Variants in MUC4 observed in about 807,000 individuals in gnomAD.
The protein encoded by MUC4 is mucin-4.
Under a neutral mutation model 257.9 loss-of-function variants are expected in MUC4, and 202 were observed. The ratio of observed to expected loss-of-function variants is 0.78; its 90% CI spans 0.70 to 0.88. MUC4 has a LOEUF of 0.88. Among genes scored for constraint, MUC4 ranks in the 40% least tolerant of loss-of-function variants. MUC4 has a pLI of 0.00. For missense variants in MUC4, 5,976 were observed against 6,513.7 expected (o/e 0.92, Z 2.84); for synonymous variants, 2,351 against 2,757.1 (o/e 0.85, Z 4.62).
In MUC4 at chr3:195,811,900, C is replaced by G; in HGVS notation, c.-83G>C. 2.2e-6 allele frequency: 3 copies of G among 1,394,190 alleles called. No individual in the cohort carries two copies. The Admixed American group carries it at 5.6e-5, about 26-fold the overall frequency. The allele number at this position is 1,394,190 out of a possible 1,614,324, so 86.4% of individuals were successfully genotyped here. ...GTGTGAGGAGCAGACGTGAGCCCGT[C>G]CCCTCAGGCGGCTGGCCCGAACCAA... On this transcript the variant is annotated 5_prime_UTR_variant, in exon 1 of 25. Coordinates refer to ENST00000463781, the MANE Select transcript of MUC4 (RefSeq NM_018406.7).
chr3:195,780,001 G>T lies in MUC4; in HGVS notation c.11579C>A (p.Thr3860Asn), dbSNP rs1249373161. The T allele has an allele frequency of 2.9e-6, 4 of 1,366,946 alleles. No individual in the cohort carries two copies. The allele number at this position is 1,366,946 out of a possible 1,614,324, so 84.7% of individuals were successfully genotyped here. The change falls in exon 2 of 25, where the codon ACT (threonine) becomes AAT (asparagine). Residue 3860 changes from threonine (T) to asparagine (N), a missense_variant. Thr to Asn is a moderately conservative substitution (Grantham distance 65). Transcript: ENST00000463781. ...STGDTMPLPVTSPSSASTGHA... is the reference protein window; with the variant it reads ...STGDTMPLPVNSPSSASTGHA... ...ACCTGTGGATGCTGAGGAAGGGCTAGTGACAGGAAGAGGCATGGTGTCACC... is the reference window on the plus strand; with the variant it reads ...ACCTGTGGATGCTGAGGAAGGGCTATTGACAGGAAGAGGCATGGTGTCACC...
intron 18 of MUC4, among the ~76,000 whole-genome samples, chr3:195,754,711 CATGA>C (rs1346667806): frequency 2.7e-5 from 4 of 150,732 alleles, no homozygotes; most frequent in Non-Finnish European, 5.9e-5. Flanking sequence ...ATGATTGAAG[CATGA>C]ATGAATGAAT....
At chr3:195,778,747 G>C (rs968388453) in intron 2 of MUC4, 43 bp downstream of exon 2, 10 of 1,553,982 alleles carry the variant, frequency 6.4e-6, no homozygotes, top group East Asian at 4.6e-5. Context: ...ATTCCGCCAA[G>C]GGGCCCACTG....
intron 13 of MUC4, among the ~76,000 whole-genome samples, chr3:195,762,635 C>CGCGCCCGGCCCT (rs1719376934): frequency 7.1e-6 from 1 of 140,602 alleles, no homozygotes; most frequent in Non-Finnish European, 1.5e-5. Context: ...TGCACCGCCA[C>CGCGCCCGGCCCT]GCACCGGGCC....
chr3:195,765,517 G>C, intron 8 of MUC4, 68 bp from the exon 9 acceptor site: 1 of 1,493,550 alleles, frequency 6.7e-7, no homozygotes, highest in South Asian at 1.3e-5. Flanking sequence ...CTCAGCTTTA[G>C]GGTCAACCAA....
Position 195,746,857 on chromosome 3 carries a change from A to C in MUC4, c.*319T>G, listed in dbSNP as rs1450253810. On this transcript the variant is annotated 3_prime_UTR_variant, in exon 25 of 25. Coordinates refer to ENST00000463781, the MANE Select transcript of MUC4 (RefSeq NM_018406.7). ...TTTGTGTGCAGAAGCATTTTGCTTA[A>C]CTTAGGGCCATCACCACATTATGAA... is the stretch of plus-strand genomic sequence containing the variant. 2.3e-6 allele frequency: 1 copy of C among 439,178 alleles called. No homozygotes were observed. Among genetic ancestry groups the C allele is most frequent in the Non-Finnish European group, 4.0e-6 (1 of 247,768 alleles). The allele number at this position is 439,178 out of a possible 1,614,324, so 27.2% of individuals were successfully genotyped here.
Position 195,810,575 on chromosome 3 carries a change from C to T in MUC4, c.82+1161G>A, listed in dbSNP as rs1244664997. 6.6e-6 allele frequency among the ~76,000 whole-genome samples: 1 copy of T among 152,170 alleles called. No homozygotes were observed. Among genetic ancestry groups the T allele is most frequent in the Non-Finnish European group, 1.5e-5 (1 of 67,998 alleles). ...CAAGGCCAATGCCGGGGCTACGAGC[C>T]CCAGGCAAGGCCGTGACCCAAATGG... On this transcript the variant is annotated intron_variant, in intron 1 of 24. Transcript: ENST00000463781. The surrounding 1 kb of genome is among the most constrained non-coding windows in gnomAD (Gnocchi z 4.2).
chr3:195,767,603 T>G (rs868034173), intron 7 of MUC4, among the ~76,000 whole-genome samples: 1 of 42,454 alleles, frequency 2.4e-5, no homozygotes, highest in Non-Finnish European at 4.6e-5. Context: ...ACCACCATCA[T>G]CACCATTGCC....
Position 195,781,058 on chromosome 3 carries a change from T to G in MUC4, c.10522A>C (p.Thr3508Pro), listed in dbSNP as rs1560315859. The stretch of plus-strand genomic sequence containing the variant: ...CCGGTGGATGCTGAGGAAGCGCCGG[T>G]GACAGGAAGAGTGCTGGTGTCACCT... ...STGDTSTLPV[T>P]GASSASTGHA... Residue 3508 changes from threonine (T) to proline (P), a missense_variant, in exon 2 of 25, where the codon ACC (threonine) becomes CCC (proline). Thr to Pro is a conservative substitution (Grantham distance 38, BLOSUM62 -1). This residue lies in a region of MUC4 where 297 missense variants were observed against 240.9 expected (regional missense o/e 1.23). Coordinates refer to ENST00000463781, the MANE Select transcript of MUC4 (RefSeq NM_018406.7). The G allele has an allele frequency of 1.3e-6, 2 of 1,497,186 alleles. No individual in the cohort carries two copies. Among genetic ancestry groups the G allele is most frequent in the Non-Finnish European group, 9.0e-7 (1 of 1,113,498 alleles). 92.7% of individuals were successfully genotyped at this position (1,497,186 alleles called of 1,614,324 possible). A position where few individuals can be genotyped will look rare whatever the true frequency, so the allele number is the denominator to read the frequency against.
At chr3:195,778,698 T>A (rs557103142) in intron 2 of MUC4, 92 bp downstream of exon 2, 1 of 1,407,846 alleles carries the variant, frequency 7.1e-7, no homozygotes, top group Non-Finnish European at 9.6e-7. Flanking sequence ...CACCAGGTAA[T>A]GCGAATGCAC....
chr3:195,801,264 A>G (rs545423387), intron 1 of MUC4, among the ~76,000 whole-genome samples: 1 of 152,306 alleles, frequency 6.6e-6, no homozygotes, highest in African/African-American at 2.4e-5. Context: ...CCAAACGCAT[A>G]AACTTGGGGA....
intron 3 of MUC4, among the ~76,000 whole-genome samples, chr3:195,775,892 A>T (rs866607853): frequency 8.2e-5 from 9 of 109,108 alleles, no homozygotes; most frequent in East Asian, 2.5e-4. Flanking sequence ...TTCCACACCC[A>T]TACCTTCCAC....
chr3:195,778,603 T>A, intron 2 of MUC4, 148 bp from the exon 3 acceptor site: 1 of 1,296,118 alleles, frequency 7.7e-7, no homozygotes, highest in Admixed American at 2.6e-5. Context: ...TCGACATCAG[T>A]GCTTTTCGAT....
chr3:195,756,262 C>T (rs941872466), intron 18 of MUC4, among the ~76,000 whole-genome samples: 5 of 152,186 alleles, frequency 3.3e-5, no homozygotes, highest in Non-Finnish European at 5.9e-5. Flanking sequence ...ACAGAAGCAG[C>T]AGAGCCTCTC....
chr3:195,807,945 C>T (rs940852486), intron 1 of MUC4, among the ~76,000 whole-genome samples: 2 of 152,212 alleles, frequency 1.3e-5, no homozygotes, highest in Non-Finnish European at 2.9e-5. Context: ...AAGGGCGTGG[C>T]GGGACTCACA....
rs377666821 is a variant in MUC4, at chr3:195,789,607, A to T, written c.1973T>A (p.Met658Lys). 2 of 1,613,896 alleles carry T rather than the reference A, an allele frequency of 1.2e-6. No individual in the cohort carries two copies. The highest frequency in any genetic ancestry group is 2.2e-5 in the East Asian group (1 of 44,876). ...GGTGGTGACTGTCTTGGTGTCAGTC[A>T]TGGGGGAGACGGACCTCGTGGTTTG... ...ESQTTRSVSPMTDTKTVTTPG... is the reference protein window; with the variant it reads ...ESQTTRSVSPKTDTKTVTTPG... Residue 658 changes from methionine (M) to lysine (K), a missense_variant, in exon 2 of 25, where the codon ATG becomes AAG. By Grantham distance (95) the Met-to-Lys change is moderately conservative. This residue lies in a region of MUC4 where 1,583 missense variants were observed against 1,257.4 expected (regional missense o/e 1.26). Transcript: ENST00000463781.
At position 195,789,389 on chromosome 3, in the gene MUC4, A is replaced by T. The variant is rs1281953939; in HGVS notation, c.2191T>A (p.Ser731Thr). ...GTAAGGGCACCTGTTTTGGAAAGTG[A>T]CGTGCCTCCTGAGGGCCCCAGGGTG... ...DATLGPSGGT[S>T]LSKTGALTLA... The change falls in exon 2 of 25, where the codon TCA becomes ACA. Residue 731 changes from serine to threonine, a missense_variant. Coordinates refer to ENST00000463781, the MANE Select transcript of MUC4 (RefSeq NM_018406.7). 3 of 1,613,678 alleles carry T rather than the reference A, an allele frequency of 1.9e-6. No individual in the cohort carries two copies. The highest frequency in any genetic ancestry group is 1.3e-5 in the African/African-American group (1 of 74,850).
At position 195,788,630 on chromosome 3, in the gene MUC4, A is replaced by T; in HGVS notation, c.2950T>A (p.Ser984Thr). ...GGGGTGGTGTGACCTGTGGATGCCG[A>T]GGAAGCGTAGGTGACAGGAAGAGGG... is the stretch of plus-strand genomic sequence containing the variant. ...ATPLPVTYAS[S>T]ASTGHTTPLH... is the part of the protein sequence containing the mutation. The change falls in exon 2 of 25, where the codon TCG becomes ACG. Residue 984 changes from serine to threonine, a missense_variant. Around this residue, in one of 44 missense-constraint regions of MUC4, gnomAD observed 1,583 missense variants for 1,257.4 expected, o/e 1.26. Coordinates refer to ENST00000463781, the MANE Select transcript of MUC4 (RefSeq NM_018406.7). 2 of 1,603,574 alleles carry T rather than the reference A, an allele frequency of 1.2e-6. No homozygotes were observed. The highest frequency in any genetic ancestry group is 1.7e-5 in the Admixed American group (1 of 57,826).
Position 195,767,456 on chromosome 3 carries a change from CCAA to C in MUC4, c.13530-708_13530-706del, listed in dbSNP as rs201692383. Among the ~76,000 whole-genome samples the C allele has an allele frequency of 6.3e-3, 882 of 139,846 alleles. 89 individuals carry two copies. The East Asian group carries it at 0.18, about 28-fold the overall frequency. 91.7% of individuals were successfully genotyped at this position (139,846 alleles called of 152,430 possible). On this transcript the variant is annotated intron_variant, in intron 7 of 24. Transcript: ENST00000463781. Reference sequence around the variant, plus strand: ...ACCATCACCATCACCACCACCACCACCAACACTACCACCACCATCACCATCACC... The same window carrying C: ...ACCATCACCATCACCACCACCACCACCACTACCACCACCATCACCATCACC...
Sources: allele counts gnomAD v4.1 joint callset (sites outside exome capture counted in the v4.1 genomes callset), GRCh38; gene constraint gnomAD v4.1.1; regional missense constraint gnomAD v4.1.1; non-coding constraint Gnocchi (gnomAD v3.1); transcripts MANE v1.5; gene names NCBI Gene and HGNC (gene_info 2026-07-23, HGNC 2026-07-21).